EVC2: variants seen among roughly 807,000 people sequenced by gnomAD.
The protein encoded by EVC2 is limbin.
In EVC2, 148 loss-of-function variants were observed where a neutral mutation model predicts 149.3. That is an observed-to-expected ratio of 0.99 (90% CI 0.87 to 1.14). EVC2 has a LOEUF of 1.14. EVC2 is among the 50% of genes most tolerant of loss of function. EVC2 has a pLI of 0.00. For synonymous variants in EVC2, 776 were observed against 649.9 expected (o/e 1.19, Z -2.95); for missense variants, 1,854 against 1,627.3 (o/e 1.14, Z -2.40).
intron 9 of EVC2, among the ~76,000 whole-genome samples, chr4:5,647,955 G>A (rs1215712021): frequency 6.6e-6 from 1 of 152,182 alleles, no homozygotes; most frequent in Non-Finnish European, 1.5e-5. Context: ...CCAAGTCAGT[G>A]AATGTAGGCA....
intron 1 of EVC2, among the ~76,000 whole-genome samples, chr4:5,698,640 C>T (rs1721634572): frequency 6.6e-6 from 1 of 152,190 alleles, no homozygotes; most frequent in Non-Finnish European, 1.5e-5. Flanking sequence ...CCAGTGCTTA[C>T]GCTATGTGCA....
Position 5,706,900 on chromosome 4 carries a change from C to T in EVC2, c.228+1386G>A, listed in dbSNP as rs561723891. ...TTGCCCTTGAGGGTGAGGTACTCTACACCCACCATGGTCCTAGATGGCTTC... is the reference window on the plus strand; with the variant it reads ...TTGCCCTTGAGGGTGAGGTACTCTATACCCACCATGGTCCTAGATGGCTTC... On this transcript the variant is annotated intron_variant, in intron 1 of 21. Coordinates refer to ENST00000344408, the MANE Select transcript of EVC2 (RefSeq NM_147127.5). Among the ~76,000 whole-genome samples the T allele has an allele frequency of 1.8e-4, 27 of 152,294 alleles. No homozygotes were observed. The South Asian group carries it at 5.6e-3, about 32-fold the overall frequency.
rs570870670 is a variant in EVC2, at chr4:5,578,844, G to A, written c.3058-2390C>T. ...CATCTGCTTCGGGATGGAGGGTTACGGGAGCTGGAAGAGACCACCTCTGCC... is the reference window on the plus strand; with the variant it reads ...CATCTGCTTCGGGATGGAGGGTTACAGGAGCTGGAAGAGACCACCTCTGCC... On this transcript the variant is annotated intron_variant, in intron 17 of 21. Coordinates refer to ENST00000344408, the MANE Select transcript of EVC2 (RefSeq NM_147127.5). Among the ~76,000 whole-genome samples the A allele has an allele frequency of 8.5e-5, 13 of 152,270 alleles. No individual in the cohort carries two copies. In the South Asian group the frequency reaches 1.0e-3, roughly 12 times the overall value.
chr4:5,664,037 T>C (rs979187814), intron 8 of EVC2, among the ~76,000 whole-genome samples: 9 of 152,214 alleles, frequency 5.9e-5, no homozygotes, highest in Admixed American at 2.6e-4. Context: ...CCAATATCAT[T>C]AACTCTGCAA....
intron 16 of EVC2, among the ~76,000 whole-genome samples, chr4:5,601,571 C>T (rs1255671901): frequency 6.7e-6 from 1 of 149,102 alleles, no homozygotes; most frequent in African/African-American, 2.5e-5. Flanking sequence ...CCCGAGAGTT[C>T]TAGAAAGACA....
rs1322118834 is a variant in EVC2 at position 5,640,135 on chromosome 4, A to G, written c.1470+379T>C. ...AGATGGGGAATAAGTGGATGGGTAAATTGTTGGATGGGTGATGGGTGGCAT... is the reference window on the plus strand; with the variant it reads ...AGATGGGGAATAAGTGGATGGGTAAGTTGTTGGATGGGTGATGGGTGGCAT... On this transcript the variant is annotated intron_variant, in intron 10 of 21. Coordinates refer to ENST00000344408, the MANE Select transcript of EVC2 (RefSeq NM_147127.5). The surrounding 1 kb of genome is among the most constrained non-coding windows in gnomAD (Gnocchi z 4.6). 6.6e-6 allele frequency among the ~76,000 whole-genome samples: 1 copy of G among 151,920 alleles called. No homozygotes were observed. Among genetic ancestry groups the G allele is most frequent in the Non-Finnish European group, 1.5e-5 (1 of 67,984 alleles).
At chr4:5,587,184 A>G (rs1358782616) in intron 16 of EVC2, among the ~76,000 whole-genome samples, 1 of 152,208 alleles carries the variant, frequency 6.6e-6, no homozygotes, top group Admixed American at 6.5e-5. Context: ...AGGATTCAGT[A>G]GCCCCCACCT....
chr4:5,553,114 C>A (rs1721772316), intron 21 of EVC2, among the ~76,000 whole-genome samples: 1 of 152,156 alleles, frequency 6.6e-6, no homozygotes, highest in Admixed American at 6.5e-5. Context: ...CATGGTTCCA[C>A]AGGCTATACA....
At position 5,703,642 on chromosome 4, in the gene EVC2, A is replaced by G. The variant is rs77937218; in HGVS notation, c.228+4644T>C. ...TTCATTCATTCAACAAATACTTTTG[A>G]TCACCTACTATGTGCTATTTTGAAA... On this transcript the variant is annotated intron_variant, in intron 1 of 21. Coordinates refer to ENST00000344408, the MANE Select transcript of EVC2 (RefSeq NM_147127.5). Among the ~76,000 whole-genome samples the G allele has an allele frequency of 4.5e-3, 680 of 152,302 alleles. 12 individuals carry two copies. In the East Asian group the frequency reaches 0.056, roughly 13 times the overall value.
intron 1 of EVC2, among the ~76,000 whole-genome samples, chr4:5,702,951 G>A (rs761257981): frequency 1.9e-4 from 29 of 152,128 alleles, no homozygotes; most frequent in Admixed American, 6.5e-5. Context: ...CATAGTAACA[G>A]AGTATTTACC....
chr4:5,666,403 T>C (rs980907070), intron 7 of EVC2, among the ~76,000 whole-genome samples: 5 of 152,212 alleles, frequency 3.3e-5, no homozygotes, highest in African/African-American at 9.6e-5. Context: ...AAGGAGTGTG[T>C]TCCTAATTCA....
chr4:5,557,049 G>A (rs1409015771), intron 21 of EVC2, among the ~76,000 whole-genome samples: 7 of 151,940 alleles, frequency 4.6e-5, no homozygotes, highest in South Asian at 2.1e-4. Flanking sequence ...GAAAATAAAC[G>A]CAGAAAGAAT....
chr4:5,706,403 T>C (rs1168471560), intron 1 of EVC2, among the ~76,000 whole-genome samples: 1 of 115,884 alleles, frequency 8.6e-6, no homozygotes, highest in Non-Finnish European at 1.9e-5. Flanking sequence ...CATAGATAGA[T>C]AGATAGATAC....
At chr4:5,581,837 C>T (rs1004548278) in intron 17 of EVC2, among the ~76,000 whole-genome samples, 1 of 152,246 alleles carries the variant, frequency 6.6e-6, no homozygotes, top group Non-Finnish European at 1.5e-5. Context: ...CCCTGTGCAG[C>T]CTTGGGACCC....
chr4:5,651,307 A>G (rs941299975), intron 9 of EVC2, among the ~76,000 whole-genome samples: 6 of 151,998 alleles, frequency 3.9e-5, no homozygotes, highest in African/African-American at 1.5e-4. Flanking sequence ...AGATGGGTGA[A>G]TGGGCAAATT....
At chr4:5,594,233 C>T (rs113189286) in intron 16 of EVC2, among the ~76,000 whole-genome samples, 4,460 of 152,256 alleles carry the variant, frequency 0.029, 189 homozygotes, top group African/African-American at 0.096. Flanking sequence ...TCTCCCAGCA[C>T]GCAGCTGGAG....
chr4:5,599,923 A>C (rs563168643), intron 16 of EVC2, among the ~76,000 whole-genome samples: 18 of 152,322 alleles, frequency 1.2e-4, no homozygotes, highest in Admixed American at 3.3e-4. Flanking sequence ...TGTCAAATGA[A>C]ATACTATTTT....
intron 9 of EVC2, among the ~76,000 whole-genome samples, chr4:5,662,571 TA>T (rs1451944035): frequency 2.8e-5 from 4 of 141,992 alleles, no homozygotes; most frequent in African/African-American, 7.7e-5. Context: ...AAATATAATA[TA>T]TATTTATATT....
intron 17 of EVC2, among the ~76,000 whole-genome samples, chr4:5,583,476 TG>T (rs1383009634): frequency 6.6e-6 from 1 of 152,184 alleles, no homozygotes; most frequent in African/African-American, 2.4e-5. Context: ...CTACTGGAGT[TG>T]GGTGTCTTTT....
Sources: gnomAD v4.1 joint callset for allele counts (sites outside exome capture counted in the v4.1 genomes callset) on GRCh38, gnomAD v4.1.1 for gene constraint, Gnocchi (gnomAD v3.1) non-coding constraint, MANE v1.5 for transcripts, NCBI Gene and HGNC (gene_info 2026-07-23, HGNC 2026-07-21) for gene names.